Variants in BCL7C observed in about 807,000 individuals in gnomAD.
The protein encoded by BCL7C is BAF chromatin remodeling complex subunit BCL7C, also known as B-cell CLL/lymphoma 7 protein family member C.
In BCL7C, 8 loss-of-function variants were observed where a neutral mutation model predicts 26.2. The observed-to-expected ratio is 0.30, with a 90% CI of 0.18 to 0.55. The LOEUF is 0.55. Ranked by LOEUF, BCL7C falls within the 20% of genes least tolerant of loss-of-function variation. The pLI is 0.93. For missense variants in BCL7C, 262 were observed against 298.5 expected, an observed-to-expected ratio of 0.88 and a Z score of 0.90; for synonymous variants, 90 against 116.5, an observed-to-expected ratio of 0.77 and a Z score of 1.47.
At chr16:30,835,131 C>A in exon 6 of BCL7C, 1 of 1,520,728 alleles carries the variant, frequency 6.6e-7, no homozygotes, top group South Asian at 1.2e-5. Flanking sequence ...CTCTCCTCGT[C>A]ATTCTCACTC....
intron 5 of BCL7C, among the ~76,000 whole-genome samples, chr16:30,880,913 G>A: frequency 6.6e-6 from 1 of 151,988 alleles, no homozygotes; most frequent in Non-Finnish European, 1.5e-5. Flanking sequence ...TGTTGCCCAG[G>A]ATAGTCTTAA....
At chr16:30,888,975 G>C in intron 4 of BCL7C, 30 bp from the exon 5 acceptor site, 1 of 1,602,986 alleles carries the variant, frequency 6.2e-7, no homozygotes, top group Non-Finnish European at 8.5e-7. Context: ...AACATCCCCT[G>C]AACAGCCACT....
At chr16:30,859,700 C>T (rs1337437538) in intron 5 of BCL7C, among the ~76,000 whole-genome samples, 1 of 152,146 alleles carries the variant, frequency 6.6e-6, no homozygotes, top group Non-Finnish European at 1.5e-5. Context: ...TAATATTCTC[C>T]CTGCCCTTGA....
intron 5 of BCL7C, among the ~76,000 whole-genome samples, chr16:30,857,500 C>T (rs1596591467): frequency 6.6e-6 from 1 of 151,970 alleles, no homozygotes; most frequent in South Asian, 2.1e-4. Flanking sequence ...GAGGTTCAAA[C>T]CTGTTCTGCC....
intron 5 of BCL7C, among the ~76,000 whole-genome samples, chr16:30,838,585 C>T (rs901702470): frequency 6.6e-6 from 1 of 152,180 alleles, no homozygotes; most frequent in Non-Finnish European, 1.5e-5. Context: ...GAGTTTGAGA[C>T]CACCCTGGCC....
chr16:30,886,233 T>C (rs1433273244), downstream of BCL7C, among the ~76,000 whole-genome samples: 2 of 152,186 alleles, frequency 1.3e-5, no homozygotes, highest in Non-Finnish European at 2.9e-5. Context: ...CCAATATACA[T>C]GACCCTATAG....
chr16:30,878,390 T>A (rs2054986716), intron 5 of BCL7C, among the ~76,000 whole-genome samples: 1 of 109,768 alleles, frequency 9.1e-6, no homozygotes, highest in Non-Finnish European at 2.2e-5. Context: ...TTTAAAAAAA[T>A]TAGCTGGGTG....
At chr16:30,887,578 TCCCAGAGGAGGAGG>T (rs1166765087), downstream of BCL7C, among the ~76,000 whole-genome samples, 1 of 150,718 alleles carries the variant, frequency 6.6e-6, no homozygotes, top group Non-Finnish European at 1.5e-5. Flanking sequence ...GTCCTGGGCC[TCCCAGAGGAGGAGG>T]TGAAGGTCGG....
chr16:30,855,036 T>C (rs1052092625), intron 5 of BCL7C, among the ~76,000 whole-genome samples: 5 of 152,086 alleles, frequency 3.3e-5, no homozygotes, highest in African/African-American at 1.2e-4. Context: ...AATAACATAA[T>C]TAATCCTTTA....
At chr16:30,851,779 GA>G in intron 5 of BCL7C, 1 of 419,524 alleles carries the variant, frequency 2.4e-6, no homozygotes, top group Non-Finnish European at 4.4e-6. Context: ...TTGGCTTTGG[GA>G]AGTACTTTAG....
At chr16:30,869,442 T>C (rs1306609672) in intron 5 of BCL7C, among the ~76,000 whole-genome samples, 1 of 151,566 alleles carries the variant, frequency 6.6e-6, no homozygotes, top group East Asian at 1.9e-4. Flanking sequence ...TAAGCTCTAG[T>C]GGATCTCCTG....
chr16:30,891,477 A>T (rs1390149272), intron 4 of BCL7C, among the ~76,000 whole-genome samples: 1 of 152,318 alleles, frequency 6.6e-6, no homozygotes, highest in East Asian at 1.9e-4. Flanking sequence ...AAAAAGAGAA[A>T]AGAAAAAAAC....
chr16:30,866,478 G>T (rs1439703027), intron 5 of BCL7C, among the ~76,000 whole-genome samples: 2 of 151,704 alleles, frequency 1.3e-5, no homozygotes, highest in African/African-American at 4.8e-5. Flanking sequence ...TCAGGGGGCT[G>T]AGGCATGACA....
chr16:30,868,870 T>TA (rs1468174444), intron 5 of BCL7C, among the ~76,000 whole-genome samples: 1 of 151,858 alleles, frequency 6.6e-6, no homozygotes, highest in Non-Finnish European at 1.5e-5. Flanking sequence ...AAAAAAGATT[T>TA]AAAAAAAATT....
At chr16:30,870,283 T>A (rs2054871333) in intron 5 of BCL7C, among the ~76,000 whole-genome samples, 1 of 152,210 alleles carries the variant, frequency 6.6e-6, no homozygotes, top group Admixed American at 6.5e-5. Flanking sequence ...ACTTCTTTTT[T>A]ATAAGAACAC....
At chr16:30,862,225 C>T (rs2054782332) in intron 5 of BCL7C, among the ~76,000 whole-genome samples, 1 of 152,280 alleles carries the variant, frequency 6.6e-6, no homozygotes, top group African/African-American at 2.4e-5. Flanking sequence ...AAATTATTTG[C>T]TTCCCTGACT....
At chr16:30,847,440 A>T (rs1481646816) in intron 5 of BCL7C, among the ~76,000 whole-genome samples, 1 of 152,174 alleles carries the variant, frequency 6.6e-6, no homozygotes, top group Non-Finnish European at 1.5e-5. Flanking sequence ...TTGAAAGTGG[A>T]TGCTCATACC....
chr16:30,880,332 A>G (rs1379458975), intron 5 of BCL7C, among the ~76,000 whole-genome samples: 1 of 151,878 alleles, frequency 6.6e-6, no homozygotes, highest in Non-Finnish European at 1.5e-5. Flanking sequence ...AAAAATACAA[A>G]AAAAAATTAG....
At chr16:30,877,442 ATTT>A (rs66607719) in intron 5 of BCL7C, among the ~76,000 whole-genome samples, 9 of 140,714 alleles carry the variant, frequency 6.4e-5, no homozygotes, top group Non-Finnish European at 1.1e-4. Context: ...CTGAGTCCAG[ATTT>A]TTTTTTTTTT....
Sources: allele counts gnomAD v4.1 joint callset (sites outside exome capture counted in the v4.1 genomes callset), GRCh38; gene constraint gnomAD v4.1.1; transcripts MANE v1.5; gene names NCBI Gene and HGNC (gene_info 2026-07-23, HGNC 2026-07-21).